ROR1: variants seen among roughly 807,000 people sequenced by gnomAD.
ROR1 encodes ROR family WNT receptor 1, also known as inactive tyrosine-protein kinase transmembrane receptor ROR1.
In ROR1, 19 loss-of-function variants were observed where a neutral mutation model predicts 78.8. The observed-to-expected ratio is 0.24, with a 90% CI of 0.17 to 0.35. The LOEUF (loss-of-function observed/expected upper bound fraction) is 0.35, where lower values mean the gene tolerates loss of function less well. ROR1 is among the 10% of genes least tolerant of loss of function. The pLI, the probability that ROR1 is intolerant of heterozygous loss-of-function variation, is 1.00. For synonymous variants in ROR1, 386 were observed against 433.6 expected, an observed-to-expected ratio of 0.89 and a Z score of 1.36; for missense variants, 917 against 1,177.8, an observed-to-expected ratio of 0.78 and a Z score of 3.24.
rs1328044467 is a variant in ROR1 at position 64,178,011 on chromosome 1, G to A, written c.1970G>A (p.Arg657His). The A allele has an allele frequency of 2.5e-6, 4 of 1,614,148 alleles. No homozygotes were observed. Among genetic ancestry groups the A allele is most frequent in the Non-Finnish European group, 3.4e-6 (4 of 1,180,014 alleles). The change falls in exon 9 of 9, where the codon CGC becomes CAC. Residue 657 changes from arginine to histidine, a missense_variant. By Grantham distance (29) the Arg-to-His change is conservative (BLOSUM62 0). This residue lies in a region of ROR1 where 835 missense variants were observed against 1,069.8 expected (regional missense o/e 0.78). Coordinates refer to ENST00000371079, the MANE Select transcript of ROR1 (RefSeq NM_005012.4). The surrounding 1 kb of genome is among the most constrained non-coding windows in gnomAD (Gnocchi z 4.3). The part of the protein sequence containing the change: ...RVQSKSLLPI[R>H]WMPPEAIMYG... Reference sequence around the variant, plus strand: ...CAGAGTAAGTCCTTGCTGCCCATTCGCTGGATGCCCCCTGAAGCCATCATG... The same window carrying A: ...CAGAGTAAGTCCTTGCTGCCCATTCACTGGATGCCCCCTGAAGCCATCATG...
At position 63,974,500 on chromosome 1, in the gene ROR1, T is replaced by C. The variant is rs1447219881; in HGVS notation, c.92-34805T>C. Among the ~76,000 whole-genome samples, 7 of 152,210 alleles carry C rather than the reference T, an allele frequency of 4.6e-5. No individual in the cohort carries two copies. In the East Asian group the frequency reaches 9.6e-4, roughly 21 times the overall value. ...CCCTGTCACGCAGGCTGGAGTGCAG[T>C]GGCGCAATCTCAGCTCAATGCAACC... On this transcript the variant is annotated intron_variant, in intron 1 of 8. Coordinates refer to ENST00000371079, the MANE Select transcript of ROR1 (RefSeq NM_005012.4).
rs61123882 is a variant in ROR1, at chr1:63,863,707, C to CATTGTATTGTATTGT, written c.91+89282_91+89296dup. Among the ~76,000 whole-genome samples the CATTGTATTGTATTGT allele has an allele frequency of 1.9e-3, 123 of 66,014 alleles. 4 individuals carry two copies. Among genetic ancestry groups the CATTGTATTGTATTGT allele is most frequent in the Middle Eastern group, 7.7e-3 (1 of 130 alleles). 43.3% of individuals were successfully genotyped at this position (66,014 alleles called of 152,430 possible). ...TACATTTTCCAGCATTCAACACTGC[C>CATTGTATTGTATTGT]ATTGTATTGTATTGTATTGTATTGT... On this transcript the variant is annotated intron_variant, in intron 1 of 8. Coordinates refer to ENST00000371079, the MANE Select transcript of ROR1 (RefSeq NM_005012.4).
intron 1 of ROR1, among the ~76,000 whole-genome samples, chr1:64,007,772 C>A (rs977341715): frequency 9.2e-5 from 14 of 152,096 alleles, no homozygotes; most frequent in African/African-American, 3.4e-4. Context: ...ATTCCAAACA[C>A]GACCAGTGAA....
chr1:64,162,725 T>A (rs1649980267), intron 8 of ROR1, among the ~76,000 whole-genome samples: 1 of 152,246 alleles, frequency 6.6e-6, no homozygotes, highest in South Asian at 2.1e-4. Flanking sequence ...ACTGTAGTGT[T>A]GCCTAAACTA....
At chr1:63,909,412 C>T (rs779174291) in intron 1 of ROR1, among the ~76,000 whole-genome samples, 1 of 152,116 alleles carries the variant, frequency 6.6e-6, no homozygotes, top group Non-Finnish European at 1.5e-5. Flanking sequence ...TCTTCAGATG[C>T]CATTTGGTGA....
chr1:63,824,000 G>T lies in ROR1; in HGVS notation c.91+49492G>T, dbSNP rs113299318. 9.1e-3 allele frequency among the ~76,000 whole-genome samples: 1,388 copies of T among 151,910 alleles called. 26 individuals are homozygous for T. Among genetic ancestry groups the T allele is most frequent in the African/African-American group, 0.032 (1,334 of 41,432 alleles). ...TGACCTCAGGTGATCCACCCACCTC[G>T]GCCTCCCAAAGTATTGGAATTACAG... On this transcript the variant is annotated intron_variant, in intron 1 of 8. Transcript: ENST00000371079.
chr1:64,058,597 G>GTT (rs36125066), intron 4 of ROR1, among the ~76,000 whole-genome samples: 100,902 of 147,270 alleles, frequency 0.69, 35,375 homozygotes, highest in East Asian at 0.93. Context: ...ATCGTGGTGG[G>GTT]TTTTTTTTTG....
At chr1:64,168,172 T>C (rs115553159) in intron 8 of ROR1, among the ~76,000 whole-genome samples, 1,801 of 152,330 alleles carry the variant, frequency 0.012, 41 homozygotes, top group African/African-American at 0.042. Flanking sequence ...AGGAGTATAG[T>C]GTGGTCATTA....
intron 1 of ROR1, among the ~76,000 whole-genome samples, chr1:63,911,784 C>G (rs2100417453): frequency 6.6e-6 from 1 of 152,214 alleles, no homozygotes; most frequent in South Asian, 2.1e-4. Context: ...AAGTTTAAGC[C>G]ACAAAGCATT....
chr1:64,011,652 G>A (rs1367798785), intron 2 of ROR1, among the ~76,000 whole-genome samples: 12 of 152,282 alleles, frequency 7.9e-5, no homozygotes, highest in African/African-American at 2.9e-4. Flanking sequence ...ATAAAGGCAG[G>A]CCCCAGACTC....
chr1:64,000,284 A>G (rs1646372100), intron 1 of ROR1, among the ~76,000 whole-genome samples: 1 of 152,208 alleles, frequency 6.6e-6, no homozygotes, highest in Non-Finnish European at 1.5e-5. Flanking sequence ...AATGAAATGG[A>G]ACCTCTGTAG....
At chr1:64,114,649 A>G (rs1306807361) in intron 4 of ROR1, among the ~76,000 whole-genome samples, 1 of 152,166 alleles carries the variant, frequency 6.6e-6, no homozygotes, top group Non-Finnish European at 1.5e-5. Flanking sequence ...TGGCATTAAC[A>G]AACCCGGCAC....
At chr1:63,919,631 T>C (rs572023232) in intron 1 of ROR1, among the ~76,000 whole-genome samples, 2 of 152,228 alleles carry the variant, frequency 1.3e-5, no homozygotes, top group South Asian at 4.2e-4. Flanking sequence ...GACGAGATAT[T>C]GGTTTCCATT....
At chr1:64,000,266 T>C (rs1228165634) in intron 1 of ROR1, among the ~76,000 whole-genome samples, 2 of 152,182 alleles carry the variant, frequency 1.3e-5, no homozygotes, top group Non-Finnish European at 2.9e-5. Context: ...CCACAGCTAC[T>C]GAAAGGAAAT....
chr1:64,158,178 G>T (rs1039666308), intron 7 of ROR1, among the ~76,000 whole-genome samples: 2 of 152,074 alleles, frequency 1.3e-5, no homozygotes, highest in African/African-American at 2.4e-5. Context: ...CCAAGCAATG[G>T]GATATAAGAT....
intron 1 of ROR1, among the ~76,000 whole-genome samples, chr1:63,989,136 A>G (rs1018877032): frequency 4.5e-5 from 6 of 133,222 alleles, no homozygotes; most frequent in African/African-American, 1.7e-4. Flanking sequence ...GTTTCTCCAC[A>G]TTTTTGCCAA....
At chr1:63,801,105 A>G (rs553794901) in intron 1 of ROR1, among the ~76,000 whole-genome samples, 15 of 152,138 alleles carry the variant, frequency 9.9e-5, no homozygotes, top group African/African-American at 3.6e-4. Flanking sequence ...TTATGATAGG[A>G]GAAAATTGCT....
chr1:63,896,906 G>A (rs1333287703), intron 1 of ROR1, among the ~76,000 whole-genome samples: 2 of 152,158 alleles, frequency 1.3e-5, no homozygotes, highest in Non-Finnish European at 2.9e-5. Context: ...TGTTGAGCTT[G>A]GGTAAATCCC....
Position 64,019,461 on chromosome 1 carries a change from C to T in ROR1, c.163+10085C>T, listed in dbSNP as rs145877043. Among the ~76,000 whole-genome samples, 505 of 152,150 alleles carry T rather than the reference C, an allele frequency of 3.3e-3. 3 individuals carry two copies. Among genetic ancestry groups the T allele is most frequent in the African/African-American group, 0.011 (475 of 41,508 alleles). On this transcript the variant is annotated intron_variant, in intron 2 of 8. Coordinates refer to ENST00000371079, the MANE Select transcript of ROR1 (RefSeq NM_005012.4). ...ACAGAATGTAATGACATATGTGAGA[C>T]GGCTAAGCACAAGCCCCAGAACTCA...
Sources: gnomAD v4.1 joint callset for allele counts (sites outside exome capture counted in the v4.1 genomes callset) on GRCh38, gnomAD v4.1.1 for gene constraint, gnomAD v4.1.1 regional missense constraint, Gnocchi (gnomAD v3.1) non-coding constraint, MANE v1.5 for transcripts, NCBI Gene and HGNC (gene_info 2026-07-23, HGNC 2026-07-21) for gene names.